Variants in RAD52 observed in about 807,000 individuals in gnomAD.
The protein encoded by RAD52 is DNA repair protein RAD52 homolog.
In RAD52, 47 loss-of-function variants were observed where a neutral mutation model predicts 55.5. The observed-to-expected ratio is 0.85, with a 90% CI of 0.67 to 1.08. RAD52 has a LOEUF of 1.08. Among genes scored for constraint, RAD52 ranks in the 50% least tolerant of loss-of-function variants. The pLI, the probability that RAD52 is intolerant of heterozygous loss-of-function variation, is 0.00. For missense variants in RAD52, 468 were observed against 522.8 expected (o/e 0.90, Z 1.02); for synonymous variants, 184 against 198.9 (o/e 0.92, Z 0.63).
intron 1 of RAD52, among the ~76,000 whole-genome samples, chr12:959,511 T>C (rs1489925921): frequency 6.6e-6 from 1 of 152,194 alleles, no homozygotes; most frequent in Non-Finnish European, 1.5e-5. Flanking sequence ...TGTCGATAAC[T>C]GCGTGACAAG....
chr12:948,644 C>G (rs1001061974), intron 1 of RAD52, among the ~76,000 whole-genome samples: 2 of 151,618 alleles, frequency 1.3e-5, no homozygotes, highest in African/African-American at 4.8e-5. Flanking sequence ...GGCAACAGAG[C>G]GAGACTATGT....
upstream of RAD52, among the ~76,000 whole-genome samples, chr12:953,216 A>T (rs1013662519): frequency 6.6e-6 from 1 of 151,394 alleles, no homozygotes; most frequent in African/African-American, 2.4e-5. Context: ...GAGGCAAGAG[A>T]ATTGTTTGAA....
chr12:989,650 A>G (rs977334244), intron 1 of RAD52, among the ~76,000 whole-genome samples: 32 of 152,334 alleles, frequency 2.1e-4, no homozygotes, highest in African/African-American at 7.5e-4. Flanking sequence ...CCAGATCCAC[A>G]TATTTTAAGG....
chr12:931,441 G>A, intron 2 of RAD52, 120 bp from the exon 3 acceptor site: 1 of 667,718 alleles, frequency 1.5e-6, no homozygotes, highest in Non-Finnish European at 2.4e-6. Flanking sequence ...TTGTTTATGT[G>A]GGTTCTATGT....
chr12:977,935 C>A lies in RAD52; in HGVS notation c.-19+11874G>T, dbSNP rs572705206. ...AGAAATGCAAAACCTATGAGTGGGA[C>A]ATCAGCTGTGAATGGGACATTGAAA... On this transcript the variant is annotated intron_variant, in intron 1 of 11. Transcript: ENST00000430095. Among the ~76,000 whole-genome samples the A allele has an allele frequency of 1.8e-4, 28 of 152,230 alleles. 1 individual carries two copies. The South Asian group carries it at 5.8e-3, about 32-fold the overall frequency.
chr12:935,863 AATAAATAAAT>A, intron 1 of RAD52, among the ~76,000 whole-genome samples: 1 of 7,494 alleles, frequency 1.3e-4, no homozygotes, highest in Admixed American at 1.2e-3. Context: ...CAAAAAAATA[AATAAATAAAT>A]AAATAAATAA....
In RAD52 at chr12:912,679, C is replaced by T. The variant is rs1956150807; in HGVS notation, c.*712G>A. 1 of 149,396 alleles carries T rather than the reference C, an allele frequency of 6.7e-6. No homozygotes were observed. The highest frequency in any genetic ancestry group is 1.3e-5 in the Non-Finnish European group (1 of 74,930). 9.3% of individuals were successfully genotyped at this position (149,396 alleles called of 1,614,324 possible). ...GAGGTTGTGGAGAGAGCTGTGTTTG[C>T]ACCACTGAACTCCAGTCAGGGCAAC... On this transcript the variant is annotated 3_prime_UTR_variant, in exon 12 of 12. Coordinates refer to ENST00000358495, the MANE Select transcript of RAD52 (RefSeq NM_134424.4).
intron 1 of RAD52, among the ~76,000 whole-genome samples, chr12:973,162 CG>C (rs1301706863): frequency 6.6e-6 from 1 of 152,042 alleles, no homozygotes; most frequent in Non-Finnish European, 1.5e-5. Flanking sequence ...CTCCCCCTCC[CG>C]GGTTGACACC....
chr12:926,928 T>TA, intron 6 of RAD52: 1 of 1,537,522 alleles, frequency 6.5e-7, no homozygotes, highest in Non-Finnish European at 8.7e-7. Flanking sequence ...TTCTACCACT[T>TA]ACTCCCAGCA....
Position 916,780 on chromosome 12 carries a change from T to TC in RAD52, c.583dup (p.Asp195GlyfsTer3), listed in dbSNP as rs1349772607. On this transcript the variant is annotated frameshift_variant, in exon 8 of 12. Transcript: ENST00000358495. LOFTEE classifies it high-confidence loss of function. ...TGCCTCCTCCACAGACGGTTCAAGATCTTGTCTCTTCGCTTTAGTTAAATC... is the reference window on the plus strand; with the variant it reads ...TGCCTCCTCCACAGACGGTTCAAGATCCTTGTCTCTTCGCTTTAGTTAAATC... 3 of 1,613,120 alleles carry TC rather than the reference T, an allele frequency of 1.9e-6. No homozygotes were observed. In the South Asian group the frequency reaches 3.3e-5, roughly 18 times the overall value.
Position 932,783 on chromosome 12 carries a change from CACGCACCGCGTCAACGTACT to C in RAD52, c.84+172_84+191del, listed in dbSNP as rs1302282798. 6.4e-4 allele frequency among the ~76,000 whole-genome samples: 98 copies of C among 152,200 alleles called. 1 individual carries two copies. Among genetic ancestry groups the C allele is most frequent in the African/African-American group, 1.7e-3 (70 of 41,568 alleles). ...GTAAACGTACTAGGTACTGCCCCCG[CACGCACCGCGTCAACGTACT>C]AGGTACTGCTCACACACGTACTAGG... On this transcript the variant is annotated intron_variant, in intron 2 of 11. Coordinates refer to ENST00000358495, the MANE Select transcript of RAD52 (RefSeq NM_134424.4).
At chr12:921,930 A>G (rs1487614013) in intron 7 of RAD52, among the ~76,000 whole-genome samples, 3 of 150,714 alleles carry the variant, frequency 2.0e-5, no homozygotes, top group Non-Finnish European at 4.4e-5. Flanking sequence ...ACATGGTGAA[A>G]CCCCATCTCT....
At chr12:913,855 T>TCTC (rs761459086) in intron 11 of RAD52, 39 bp downstream of exon 11, 1 of 1,540,660 alleles carries the variant, frequency 6.5e-7, no homozygotes, top group South Asian at 1.1e-5. Flanking sequence ...AAAGCTAGGA[T>TCTC]CTCCCCTTAA....
intron 1 of RAD52, among the ~76,000 whole-genome samples, chr12:963,443 A>G (rs1218556339): frequency 6.6e-6 from 1 of 152,250 alleles, no homozygotes; most frequent in Non-Finnish European, 1.5e-5. Context: ...ATGATAAGCA[A>G]GTAAACAAAT....
rs139181458 is a variant in RAD52 at position 913,226 on chromosome 12, A to G, written c.*165T>C. On this transcript the variant is annotated 3_prime_UTR_variant, in exon 12 of 12. Transcript: ENST00000358495. ...AAGCTTTTCAAAAGTGCTCAGCTCT[A>G]ACTGCAGTGGGCTCTCAGTCAGATC... The G allele has an allele frequency of 5.0e-4, 330 of 656,530 alleles. 4 individuals carry two copies. Among genetic ancestry groups the G allele is most frequent in the African/African-American group, 4.6e-3 (251 of 54,754 alleles). The allele number at this position is 656,530 out of a possible 1,614,324, so 40.7% of individuals were successfully genotyped here. A position where few individuals can be genotyped will look rare whatever the true frequency, so the allele number is the denominator to read the frequency against.
intron 7 of RAD52, among the ~76,000 whole-genome samples, chr12:923,780 G>A (rs920643608): frequency 5.9e-5 from 9 of 152,016 alleles, no homozygotes; most frequent in Non-Finnish European, 5.9e-5. Flanking sequence ...AGAAAAGGCC[G>A]GGTGCGGTGG....
intron 5 of RAD52, among the ~76,000 whole-genome samples, chr12:927,692 C>T (rs1957114257): frequency 6.6e-6 from 1 of 152,104 alleles, no homozygotes; most frequent in East Asian, 1.9e-4. Flanking sequence ...ATGGTGAAAC[C>T]CTATCTCTAC....
chr12:956,671 C>G (rs1958610787), intron 1 of RAD52, among the ~76,000 whole-genome samples: 1 of 152,152 alleles, frequency 6.6e-6, no homozygotes, highest in African/African-American at 2.4e-5. Flanking sequence ...CTCAGCCTCC[C>G]AAGTAGCTGG....
At chr12:914,853 A>G (rs1956272059) in intron 9 of RAD52, among the ~76,000 whole-genome samples, 1 of 152,166 alleles carries the variant, frequency 6.6e-6, no homozygotes, top group South Asian at 2.1e-4. Flanking sequence ...CCCTTGCTCA[A>G]ACAAAATCTT....
Sources: allele counts gnomAD v4.1 joint callset (sites outside exome capture counted in the v4.1 genomes callset), GRCh38; gene constraint gnomAD v4.1.1; transcripts MANE v1.5; gene names NCBI Gene and HGNC (gene_info 2026-07-23, HGNC 2026-07-21).